USP12: variants seen among roughly 807,000 people sequenced by gnomAD.
The protein encoded by USP12 is ubiquitin carboxyl-terminal hydrolase 12.
Under a neutral mutation model 45.5 loss-of-function variants are expected in USP12, and 19 were observed. That is an observed-to-expected ratio of 0.42 (90% CI 0.29 to 0.61). USP12 has a LOEUF of 0.61. Among genes scored for constraint, USP12 ranks in the 20% least tolerant of loss-of-function variants. The pLI, the probability that USP12 is intolerant of heterozygous loss-of-function variation, is 0.22. For missense variants in USP12, 242 were observed against 447.7 expected (o/e 0.54, Z 4.15); for synonymous variants, 149 against 148.8 (o/e 1.00, Z -0.01).
At chr13:27,113,559 T>C (rs1875569124) in intron 2 of USP12, among the ~76,000 whole-genome samples, 1 of 152,212 alleles carries the variant, frequency 6.6e-6, no homozygotes, top group Non-Finnish European at 1.5e-5. Context: ...GAAGTCATCT[T>C]TTCATACTCC....
chr13:27,166,456 G>T (rs1366650462), intron 1 of USP12, among the ~76,000 whole-genome samples: 1 of 152,116 alleles, frequency 6.6e-6, no homozygotes, highest in Non-Finnish European at 1.5e-5. Flanking sequence ...GGGGGACTTG[G>T]TCAAAAGTCT....
intron 3 of USP12, among the ~76,000 whole-genome samples, chr13:27,097,316 T>G (rs1416190586): frequency 6.6e-6 from 1 of 151,988 alleles, no homozygotes; most frequent in Non-Finnish European, 1.5e-5. Context: ...ATACAAAAAA[T>G]TCACTGGGCA....
At chr13:27,160,397 C>T (rs1341652215) in intron 1 of USP12, among the ~76,000 whole-genome samples, 1 of 151,248 alleles carries the variant, frequency 6.6e-6, no homozygotes, top group East Asian at 1.9e-4. Context: ...TCAGCAGGGT[C>T]CCCCGTGGAG....
At chr13:27,128,361 A>G (rs1485116968) in intron 1 of USP12, among the ~76,000 whole-genome samples, 1 of 152,216 alleles carries the variant, frequency 6.6e-6, no homozygotes, top group Non-Finnish European at 1.5e-5. Flanking sequence ...AAATTCTCAA[A>G]TATGACCAAA....
At chr13:27,087,893 C>T (rs971239716) in intron 6 of USP12, among the ~76,000 whole-genome samples, 1 of 152,082 alleles carries the variant, frequency 6.6e-6, no homozygotes, top group Admixed American at 6.5e-5. Flanking sequence ...ACCTTTGGGT[C>T]CACTGTAAGA....
chr13:27,123,103 AAAAT>A (rs903203432), intron 1 of USP12, among the ~76,000 whole-genome samples: 9 of 152,256 alleles, frequency 5.9e-5, no homozygotes, highest in Non-Finnish European at 1.2e-4. Flanking sequence ...AAAAAAAAAA[AAAAT>A]ATTTTACAGA....
At chr13:27,155,136 C>A (rs952065491) in intron 1 of USP12, among the ~76,000 whole-genome samples, 2 of 121,178 alleles carry the variant, frequency 1.7e-5, no homozygotes, top group Admixed American at 1.2e-4. Flanking sequence ...GACTGGAGTG[C>A]AGTGGCGCGA....
At chr13:27,091,472 G>A (rs936781762) in intron 4 of USP12, among the ~76,000 whole-genome samples, 2 of 152,180 alleles carry the variant, frequency 1.3e-5, no homozygotes, top group East Asian at 1.9e-4. Context: ...TTATATTTGC[G>A]ATTGAGTTGG....
chr13:27,125,943 G>C lies in USP12; in HGVS notation c.49-9347C>G, dbSNP rs1399863498. Among the ~76,000 whole-genome samples the C allele has an allele frequency of 2.0e-5, 3 of 152,246 alleles. No individual in the cohort carries two copies. The East Asian group carries it at 5.8e-4, about 29-fold the overall frequency. ...TGCTGAGGCTTGAGTAGGTGGTTCT[G>C]TGCTTACAGCATAAAGCAGCAGGGA... On this transcript the variant is annotated intron_variant, in intron 1 of 8. Transcript: ENST00000282344.
At chr13:27,073,381 G>A (rs904527352) in intron 7 of USP12, among the ~76,000 whole-genome samples, 1 of 152,218 alleles carries the variant, frequency 6.6e-6, no homozygotes, top group Non-Finnish European at 1.5e-5. Context: ...GGATTTTACA[G>A]TGCTTGTGAG....
intron 1 of USP12, among the ~76,000 whole-genome samples, chr13:27,148,714 CAA>C (rs1228894490): frequency 7.1e-6 from 1 of 141,128 alleles, no homozygotes; most frequent in Non-Finnish European, 1.5e-5. Context: ...AATAACAGCA[CAA>C]AAGAGGTAGG....
At chr13:27,092,653 T>C (rs1565986761) in intron 4 of USP12, among the ~76,000 whole-genome samples, 1 of 152,216 alleles carries the variant, frequency 6.6e-6, no homozygotes, top group Non-Finnish European at 1.5e-5. Context: ...CTGGAGCAGA[T>C]GGACATCCAC....
intron 6 of USP12, among the ~76,000 whole-genome samples, chr13:27,078,697 G>C (rs2137757963): frequency 1.3e-5 from 2 of 151,620 alleles, no homozygotes; most frequent in African/African-American, 4.8e-5. Context: ...AATTAACTAA[G>C]AGAACATAAC....
intron 4 of USP12, among the ~76,000 whole-genome samples, chr13:27,093,439 A>G (rs2137774066): frequency 6.6e-6 from 1 of 152,350 alleles, no homozygotes; most frequent in East Asian, 1.9e-4. Flanking sequence ...GATGATCAAC[A>G]TCATATGTCA....
rs186601433 is a variant in USP12, at chr13:27,160,860, G to A, written c.48+10732C>T. Among the ~76,000 whole-genome samples the A allele has an allele frequency of 1.7e-4, 25 of 151,062 alleles. 1 individual carries two copies. The highest frequency in any genetic ancestry group is 4.6e-4 in the Admixed American group (7 of 15,158). ...GTGCAGGTTTGTGACACAGGTAAACGTATCATGGTGGTTTGCTGCACAGCT... is the reference window on the plus strand; with the variant it reads ...GTGCAGGTTTGTGACACAGGTAAACATATCATGGTGGTTTGCTGCACAGCT... On this transcript the variant is annotated intron_variant, in intron 1 of 8. Coordinates refer to ENST00000282344, the MANE Select transcript of USP12 (RefSeq NM_182488.4).
chr13:27,117,408 C>G (rs898793723), intron 1 of USP12, among the ~76,000 whole-genome samples: 3 of 151,946 alleles, frequency 2.0e-5, no homozygotes, highest in Non-Finnish European at 2.9e-5. Flanking sequence ...CTGAAGTTGA[C>G]AAGAATGTTT....
rs71083634 is a variant in USP12, at chr13:27,155,066, C to CTTTTT, written c.48+16521_48+16525dup. Among the ~76,000 whole-genome samples the CTTTTT allele has an allele frequency of 8.6e-3, 498 of 57,646 alleles. 62 individuals carry two copies. Among genetic ancestry groups the CTTTTT allele is most frequent in the African/African-American group, 0.025 (306 of 12,140 alleles). The allele number at this position is 57,646 out of a possible 152,430, so 37.8% of individuals were successfully genotyped here. A position where few individuals can be genotyped will look rare whatever the true frequency, so the allele number is the denominator to read the frequency against. On this transcript the variant is annotated intron_variant, in intron 1 of 8. Coordinates refer to ENST00000282344, the MANE Select transcript of USP12 (RefSeq NM_182488.4). ...TTTTTTTTTTTTCTGATGTCCACAA[C>CTTTTT]TTTTTTTTTTTTTTTTTTTTTTTTT...
At chr13:27,141,406 A>G (rs760222391) in intron 1 of USP12, among the ~76,000 whole-genome samples, 9 of 152,242 alleles carry the variant, frequency 5.9e-5, no homozygotes, top group Non-Finnish European at 1.3e-4. Flanking sequence ...ATGAGCACAC[A>G]TAGAATCGGC....
chr13:27,128,975 GT>G (rs1876369220), intron 1 of USP12, among the ~76,000 whole-genome samples: 2 of 152,296 alleles, frequency 1.3e-5, no homozygotes, highest in South Asian at 4.1e-4. Flanking sequence ...GACTGACTTA[GT>G]TTAATAGTAA....
Sources: gnomAD v4.1 joint callset for allele counts (sites outside exome capture counted in the v4.1 genomes callset) on GRCh38, gnomAD v4.1.1 for gene constraint, MANE v1.5 for transcripts, NCBI Gene and HGNC (gene_info 2026-07-23, HGNC 2026-07-21) for gene names.